Variants in KIF13B observed in about 807,000 individuals in gnomAD.
KIF13B encodes kinesin-like protein KIF13B.
A neutral mutation model predicts 222.0 loss-of-function variants in KIF13B; 127 were observed. The observed-to-expected ratio is 0.57, with a 90% confidence interval of 0.50 to 0.66. The LOEUF is 0.66. Among genes scored for constraint, KIF13B ranks in the 30% least tolerant of loss-of-function variants. The pLI is 0.00. For missense variants in KIF13B, 2,173 were observed against 2,379.0 expected (o/e 0.91, Z 1.80); for synonymous variants, 976 against 919.0 (o/e 1.06, Z -1.12).
intron 37 of KIF13B, among the ~76,000 whole-genome samples, chr8:29,085,006 A>G (rs1042048538): frequency 5.2e-5 from 8 of 152,390 alleles, no homozygotes; most frequent in East Asian, 1.9e-4. Flanking sequence ...AATGAGAAAC[A>G]TAAGTCCTTA....
At position 29,071,822 on chromosome 8, in the gene KIF13B, C is replaced by A. The variant is rs936894458; in HGVS notation, c.5016G>T (p.Gly1672=). ...CCGGGGCCGGCGCATTCCCCTCGGC[C>A]CCCGGGGAGCAGCCGGGGTCCCCAG... ...MLAGDPGCSP[G]AEGNAPAPGA... Residue 1672 remains glycine (G), a synonymous_variant, in exon 39 of 40, where the codon GGG becomes GGT. Transcript: ENST00000524189. The surrounding 1 kb of genome is among the most constrained non-coding windows in gnomAD (Gnocchi z 4.9). 6.5e-7 allele frequency: 1 copy of A among 1,542,746 alleles called. No homozygotes were observed. Among genetic ancestry groups the A allele is most frequent in the African/African-American group, 1.4e-5 (1 of 72,946 alleles).
intron 6 of KIF13B, among the ~76,000 whole-genome samples, chr8:29,182,356 T>C (rs910920148): frequency 1.3e-5 from 2 of 152,134 alleles, no homozygotes; most frequent in South Asian, 4.1e-4. Context: ...AAAGGAAAAC[T>C]ACAGACCAGT....
At chr8:29,230,107 T>C (rs1729111996) in intron 2 of KIF13B, among the ~76,000 whole-genome samples, 1 of 152,168 alleles carries the variant, frequency 6.6e-6, no homozygotes, top group African/African-American at 2.4e-5. Flanking sequence ...CACGGTAATC[T>C]TGCATGATCC....
At chr8:29,225,078 A>C (rs1327853130) in intron 2 of KIF13B, among the ~76,000 whole-genome samples, 1 of 152,234 alleles carries the variant, frequency 6.6e-6, no homozygotes, top group Non-Finnish European at 1.5e-5. Context: ...TCCTTATTTA[A>C]GGTTGAAAAA....
chr8:29,191,626 T>C (rs1232448885), intron 3 of KIF13B, among the ~76,000 whole-genome samples: 1 of 152,226 alleles, frequency 6.6e-6, no homozygotes, highest in East Asian at 1.9e-4. Context: ...ACTATATGCA[T>C]AAAAAGCAGG....
At chr8:29,227,400 C>T (rs1039278967) in intron 2 of KIF13B, among the ~76,000 whole-genome samples, 1 of 152,088 alleles carries the variant, frequency 6.6e-6, no homozygotes, top group African/African-American at 2.4e-5. Context: ...AGTGATTTTC[C>T]TGCCTCAGCC....
intron 2 of KIF13B, among the ~76,000 whole-genome samples, chr8:29,229,343 C>T (rs1043431504): frequency 1.1e-4 from 16 of 152,214 alleles, no homozygotes; most frequent in African/African-American, 3.9e-4. Context: ...AGTTCAGATC[C>T]CTGTTCTGCC....
chr8:29,070,875 C>G lies in KIF13B; in HGVS notation c.5219-109G>C. ...GTGCCCACACTGCCACCCCCCCGCA[C>G]AGGCCCTACACAGCCAGCACTCGGA... On this transcript the variant is annotated intron_variant, in intron 39 of 39. Coordinates refer to ENST00000524189, the MANE Select transcript of KIF13B (RefSeq NM_015254.4). The surrounding 1 kb of genome is among the most constrained non-coding windows in gnomAD (Gnocchi z 4.1). 8.4e-7 allele frequency: 1 copy of G among 1,190,194 alleles called. No homozygotes were observed. Among genetic ancestry groups the G allele is most frequent in the Non-Finnish European group, 1.2e-6 (1 of 836,372 alleles). 73.7% of individuals were successfully genotyped at this position (1,190,194 alleles called of 1,614,324 possible). A position where few individuals can be genotyped will look rare whatever the true frequency, so the allele number is the denominator to read the frequency against.
In KIF13B at chr8:29,096,106, G is replaced by A. The variant is rs1381154850; in HGVS notation, c.4324+3027C>T. Among the ~76,000 whole-genome samples, 5 of 148,578 alleles carry A rather than the reference G, an allele frequency of 3.4e-5. No individual in the cohort carries two copies. The East Asian group carries it at 8.1e-4, about 24-fold the overall frequency. On this transcript the variant is annotated intron_variant, in intron 36 of 39. Coordinates refer to ENST00000524189, the MANE Select transcript of KIF13B (RefSeq NM_015254.4). ...AAGTGATTCTCCTGCCTCAGCCTCC[G>A]GAGGAGCTGGGACTACAGGTACCTG...
At chr8:29,096,224 C>A (rs1038040080) in intron 36 of KIF13B, among the ~76,000 whole-genome samples, 3 of 151,594 alleles carry the variant, frequency 2.0e-5, no homozygotes, top group Admixed American at 6.6e-5. Flanking sequence ...CTCAGGTGAT[C>A]CCCCCTGCCT....
Position 29,071,753 on chromosome 8 carries a change from G to T in KIF13B, c.5085C>A (p.Asp1695Glu). The T allele has an allele frequency of 1.3e-6, 2 of 1,549,696 alleles. No homozygotes were observed. The highest frequency in any genetic ancestry group is 1.7e-6 in the Non-Finnish European group (2 of 1,146,630). Residue 1695 changes from aspartate (D) to glutamate (E), a missense_variant, in exon 39 of 40, where the codon GAC (aspartate) becomes GAA (glutamate). Asp to Glu is a conservative substitution (Grantham distance 45). Around this residue, in one of 2 missense-constraint regions of KIF13B, gnomAD observed 693 missense variants for 656.2 expected, o/e 1.06. Transcript: ENST00000524189. This position sits in a 1 kb window ranked among gnomAD's most constrained non-coding sequence, Gnocchi z 4.9. Reference protein sequence around the residue: ...QALASDSEEADEVPEWLREGE... With the variant: ...QALASDSEEAEEVPEWLREGE... ...CCTCTCGGAGCCACTCCGGGACCTC[G>T]TCAGCTTCCTCGGAATCAGAGGCCA... is the stretch of plus-strand genomic sequence containing the variant.
chr8:29,209,975 G>A (rs1442848485), intron 2 of KIF13B, among the ~76,000 whole-genome samples: 1 of 151,468 alleles, frequency 6.6e-6, no homozygotes, highest in Non-Finnish European at 1.5e-5. Context: ...AGGATCACTT[G>A]AGACCAGTTG....
Position 29,119,105 on chromosome 8 carries a change from T to G in KIF13B, c.3536-113A>C, listed in dbSNP as rs543602793. Reference sequence around the variant, plus strand: ...TTCTGCTTCAAATTTCATTTGCTTTTTGCTCTGAAATCTTACATGACACTG... The same window carrying G: ...TTCTGCTTCAAATTTCATTTGCTTTGTGCTCTGAAATCTTACATGACACTG... On this transcript the variant is annotated intron_variant, in intron 29 of 39. Transcript: ENST00000524189. 3.2e-5 allele frequency: 37 copies of G among 1,171,338 alleles called. No individual in the cohort carries two copies. In the African/African-American group the frequency reaches 5.4e-4, roughly 17 times the overall value. 72.6% of individuals were successfully genotyped at this position (1,171,338 alleles called of 1,614,324 possible).
At chr8:29,167,230 C>G in intron 11 of KIF13B, 143 bp downstream of exon 11, 1 of 621,644 alleles carries the variant, frequency 1.6e-6, no homozygotes, top group East Asian at 2.8e-5. Flanking sequence ...TTATTTATTA[C>G]TCATCCCAAA....
intron 1 of KIF13B, among the ~76,000 whole-genome samples, chr8:29,256,272 T>C (rs919072297): frequency 9.2e-5 from 14 of 152,328 alleles, no homozygotes; most frequent in African/African-American, 3.1e-4. Flanking sequence ...AGCATTCACC[T>C]AGTCATCTAA....
chr8:29,177,448 A>G lies in KIF13B; in HGVS notation c.833+18T>C. ...TTAAATAAATAAAGCAATAAAAATA[A>G]GCTTTGAGAGCACTTACTTGTTAAT... On this transcript the variant is annotated intron_variant, in intron 9 of 39. Coordinates refer to ENST00000524189, the MANE Select transcript of KIF13B (RefSeq NM_015254.4). 1 of 1,417,796 alleles carries G rather than the reference A, an allele frequency of 7.1e-7. No individual in the cohort carries two copies. 87.8% of individuals were successfully genotyped at this position (1,417,796 alleles called of 1,614,324 possible). A position where few individuals can be genotyped will look rare whatever the true frequency, so the allele number is the denominator to read the frequency against.
At chr8:29,111,403 G>A (rs1340087534) in intron 32 of KIF13B, among the ~76,000 whole-genome samples, 1 of 152,142 alleles carries the variant, frequency 6.6e-6, no homozygotes, top group African/African-American at 2.4e-5. Context: ...CAACTTTTGG[G>A]GCTTTTTCAT....
rs752467946 is a variant in KIF13B, at chr8:29,263,024, G to T, written c.11C>A (p.Ser4Tyr). The T allele has an allele frequency of 6.3e-7, 1 of 1,598,372 alleles. No individual in the cohort carries two copies. The highest frequency in any genetic ancestry group is 1.1e-5 in the South Asian group (1 of 88,196). Residue 4 changes from serine to tyrosine, a missense_variant, in exon 1 of 40, where the codon TCC becomes TAC. Coordinates refer to ENST00000524189, the MANE Select transcript of KIF13B (RefSeq NM_015254.4). ...TATCCGCACCGCCACTTTCACTTTGGAGTCCCCCATCCTGCAGCCGCCGAG... is the reference window on the plus strand; with the variant it reads ...TATCCGCACCGCCACTTTCACTTTGTAGTCCCCCATCCTGCAGCCGCCGAG... MGD[S>Y]KVKVAVRIRP...
chr8:29,190,951 C>T, intron 4 of KIF13B, 46 bp downstream of exon 4: 4 of 1,463,410 alleles, frequency 2.7e-6, no homozygotes, highest in South Asian at 2.3e-5. Flanking sequence ...ATACTGAACC[C>T]CTCTTCTACA....
Sources: gnomAD v4.1 joint callset for allele counts (sites outside exome capture counted in the v4.1 genomes callset) on GRCh38, gnomAD v4.1.1 for gene constraint, gnomAD v4.1.1 regional missense constraint, Gnocchi (gnomAD v3.1) non-coding constraint, MANE v1.5 for transcripts, NCBI Gene and HGNC (gene_info 2026-07-23, HGNC 2026-07-21) for gene names.